Variants in GRIK3 observed in about 807,000 individuals in gnomAD.
GRIK3 encodes glutamate ionotropic receptor kainate type subunit 3.
Under a neutral mutation model 102.5 loss-of-function variants are expected in GRIK3, and 29 were observed. That is an observed-to-expected ratio of 0.28 (90% CI 0.21 to 0.39). The LOEUF (loss-of-function observed/expected upper bound fraction) is 0.39, where lower values mean the gene tolerates loss of function less well. GRIK3 is among the 10% of genes least tolerant of loss of function. The pLI is 1.00. For synonymous variants in GRIK3, 511 were observed against 504.9 expected, an observed-to-expected ratio of 1.01 and a Z score of -0.16; for missense variants, 908 against 1,252.4, an observed-to-expected ratio of 0.73 and a Z score of 4.15.
At chr1:36,950,946 A>G (rs1182143176) in intron 1 of GRIK3, among the ~76,000 whole-genome samples, 1 of 152,236 alleles carries the variant, frequency 6.6e-6, no homozygotes, top group Non-Finnish European at 1.5e-5. Flanking sequence ...GTGGGGCATG[A>G]TGCAGCCTCT....
At chr1:36,845,176 G>GC (rs1553176622) in intron 9 of GRIK3, among the ~76,000 whole-genome samples, 1 of 152,062 alleles carries the variant, frequency 6.6e-6, no homozygotes, top group Non-Finnish European at 1.5e-5. Context: ...TCTGAACTCC[G>GC]CCAACTACTT....
intron 5 of GRIK3, among the ~76,000 whole-genome samples, chr1:36,864,299 C>T (rs566420): frequency 6.6e-6 from 1 of 151,970 alleles, no homozygotes; most frequent in African/African-American, 2.4e-5. Flanking sequence ...GAAGGATTTC[C>T]TTTTGGACAG....
chr1:36,997,694 G>A (rs985207147), intron 1 of GRIK3, among the ~76,000 whole-genome samples: 2 of 152,134 alleles, frequency 1.3e-5, no homozygotes, highest in Admixed American at 1.3e-4. Context: ...CTCAGTCTGA[G>A]GAGTGCCGTG....
At chr1:36,903,838 A>C (rs1387023328) in intron 1 of GRIK3, among the ~76,000 whole-genome samples, 2 of 152,218 alleles carry the variant, frequency 1.3e-5, no homozygotes, top group East Asian at 3.8e-4. Context: ...TGGTAAAAAC[A>C]CAGAGGATTT....
At chr1:36,869,643 A>C in intron 5 of GRIK3, 105 bp downstream of exon 5, 64 of 823,646 alleles carry the variant, frequency 7.8e-5, no homozygotes, top group Non-Finnish European at 1.2e-4. Flanking sequence ...AGCCTGAGGA[A>C]GCTGCAGCAA....
chr1:36,900,644 T>C (rs1641224103), intron 1 of GRIK3, among the ~76,000 whole-genome samples: 3 of 151,962 alleles, frequency 2.0e-5, no homozygotes, highest in African/African-American at 7.3e-5. Flanking sequence ...CTCAGGAAAC[T>C]AGAAAAAGAA....
At chr1:36,809,363 C>T (rs1367678607) in intron 13 of GRIK3, among the ~76,000 whole-genome samples, 1 of 152,168 alleles carries the variant, frequency 6.6e-6, no homozygotes, top group Non-Finnish European at 1.5e-5. Flanking sequence ...ATCCAACCAT[C>T]TATCTATCCA....
intron 1 of GRIK3, among the ~76,000 whole-genome samples, chr1:36,947,793 A>G (rs1036253091): frequency 2.0e-5 from 3 of 152,090 alleles, no homozygotes; most frequent in African/African-American, 7.2e-5. Flanking sequence ...GTAGCATCAC[A>G]GCTTAGAGCC....
intron 1 of GRIK3, among the ~76,000 whole-genome samples, chr1:36,915,498 G>C (rs1193849482): frequency 6.6e-6 from 1 of 152,216 alleles, no homozygotes; most frequent in African/African-American, 2.4e-5. Flanking sequence ...CAAGTGGAAA[G>C]TGGTTTTTAA....
intron 5 of GRIK3, among the ~76,000 whole-genome samples, chr1:36,866,633 A>G (rs898560782): frequency 2.0e-5 from 3 of 152,252 alleles, no homozygotes; most frequent in African/African-American, 7.2e-5. Flanking sequence ...CACTCAGCGT[A>G]ACAATCCTGT....
intron 1 of GRIK3, among the ~76,000 whole-genome samples, chr1:36,954,667 G>A (rs942396182): frequency 6.6e-6 from 1 of 152,228 alleles, no homozygotes; most frequent in Non-Finnish European, 1.5e-5. Context: ...GGAGGCTGGG[G>A]AAAGAGTGTG....
intron 1 of GRIK3, among the ~76,000 whole-genome samples, chr1:36,904,792 T>G (rs1641267958): frequency 1.3e-5 from 2 of 152,274 alleles, no homozygotes; most frequent in Admixed American, 1.3e-4. Context: ...GAAGAGGCCA[T>G]GGGTTTTGCT....
chr1:36,833,220 C>T (rs1264413787), intron 10 of GRIK3, among the ~76,000 whole-genome samples: 1 of 152,202 alleles, frequency 6.6e-6, no homozygotes, highest in East Asian at 1.9e-4. Context: ...GTCGGGTCTC[C>T]TGCACTAACT....
At chr1:36,912,369 C>T (rs1570795082) in intron 1 of GRIK3, among the ~76,000 whole-genome samples, 1 of 152,116 alleles carries the variant, frequency 6.6e-6, no homozygotes, top group African/African-American at 2.4e-5. Flanking sequence ...CTTGCAGGCA[C>T]CGTTGGGATG....
chr1:37,014,933 G>GTCTCTC (rs56296966), intron 1 of GRIK3, among the ~76,000 whole-genome samples: 41 of 139,814 alleles, frequency 2.9e-4, no homozygotes, highest in African/African-American at 6.0e-4. Context: ...CTCTGTTTTT[G>GTCTCTC]TCTCTCTCTC....
At chr1:36,846,682 G>A (rs1313160415) in intron 9 of GRIK3, among the ~76,000 whole-genome samples, 1 of 152,202 alleles carries the variant, frequency 6.6e-6, no homozygotes, top group Non-Finnish European at 1.5e-5. Context: ...CTGGGGCTGG[G>A]CCACTCCCTG....
chr1:36,970,553 A>AGGAT (rs1189024526), intron 1 of GRIK3, among the ~76,000 whole-genome samples: 2 of 152,244 alleles, frequency 1.3e-5, no homozygotes, highest in Non-Finnish European at 2.9e-5. Context: ...AATGAATAAA[A>AGGAT]GGATGGATGG....
chr1:36,854,868 A>T (rs986898660), intron 7 of GRIK3, among the ~76,000 whole-genome samples: 17 of 152,156 alleles, frequency 1.1e-4, no homozygotes, highest in African/African-American at 3.9e-4. Flanking sequence ...TTTACAGACG[A>T]GGAAGCAGAC....
chr1:36,854,607 C>T (rs755819168), intron 7 of GRIK3, among the ~76,000 whole-genome samples: 5 of 152,094 alleles, frequency 3.3e-5, no homozygotes, highest in Non-Finnish European at 5.9e-5. Context: ...CAGCCATGCC[C>T]CCCGTGTTTA....
Sources: gnomAD v4.1 joint callset for allele counts (sites outside exome capture counted in the v4.1 genomes callset) on GRCh38, gnomAD v4.1.1 for gene constraint, MANE v1.5 for transcripts, NCBI Gene and HGNC (gene_info 2026-07-23, HGNC 2026-07-21) for gene names.